ZNF506: variants seen among roughly 807,000 people sequenced by gnomAD.
The protein encoded by ZNF506 is zinc finger protein 506.
Under a neutral mutation model 11.6 loss-of-function variants are expected in ZNF506, and 10 were observed. The ratio of observed to expected loss-of-function variants is 0.86; its 90% CI spans 0.53 to 1.46. ZNF506 has a LOEUF of 1.46. ZNF506 is among the 40% of genes most tolerant of loss of function. The pLI is 0.00. For missense variants in ZNF506, 425 were observed against 521.2 expected, an observed-to-expected ratio of 0.82 and a Z score of 1.80; for synonymous variants, 156 against 173.3, an observed-to-expected ratio of 0.90 and a Z score of 0.78.
At chr19:19,809,266 C>A (rs1009630090) in intron 1 of ZNF506, among the ~76,000 whole-genome samples, 11 of 152,182 alleles carry the variant, frequency 7.2e-5, no homozygotes, top group Admixed American at 6.5e-4. Context: ...AGAGAAGGCT[C>A]TGAGATACAG....
In ZNF506 at chr19:19,794,767, A is replaced by G; in HGVS notation, c.1120T>C (p.Cys374Arg). ...GAGAATGCAGTAAAGGCTTTGCCAC[A>G]TTCTTCACACTTGTAGGGTTTCTCT... ...TGEKPYKCEECGKAFTAFSTL... is the reference protein window; with the variant it reads ...TGEKPYKCEERGKAFTAFSTL... Residue 374 changes from cysteine (C) to arginine (R), a missense_variant, in exon 4 of 4, where the codon TGT becomes CGT. Around this residue, in one of 3 missense-constraint regions of ZNF506, gnomAD observed 192 missense variants for 215.7 expected, o/e 0.89. Coordinates refer to ENST00000540806, the MANE Select transcript of ZNF506 (RefSeq NM_001099269.3). 6.2e-7 allele frequency: 1 copy of G among 1,614,020 alleles called. No individual in the cohort carries two copies. Among genetic ancestry groups the G allele is most frequent in the East Asian group, 2.2e-5 (1 of 44,854 alleles).
At position 19,821,503 on chromosome 19, in the gene ZNF506, G is replaced by A. The variant is rs913756772; in HGVS notation, c.3+98C>T. On this transcript the variant is annotated intron_variant, in intron 1 of 3. Coordinates refer to ENST00000540806, the MANE Select transcript of ZNF506 (RefSeq NM_001099269.3). Reference sequence around the variant, plus strand: ...CGCAGATTGTGGAGCTGACTGCCGGGAGGCCTGAGTTCTGCCACTGCCACA... The same window carrying A: ...CGCAGATTGTGGAGCTGACTGCCGGAAGGCCTGAGTTCTGCCACTGCCACA... 37 of 1,498,408 alleles carry A rather than the reference G, an allele frequency of 2.5e-5. 1 individual carries two copies. In the South Asian group the frequency reaches 4.2e-4, roughly 17 times the overall value. 92.8% of individuals were successfully genotyped at this position (1,498,408 alleles called of 1,614,324 possible).
At chr19:19,817,604 TG>T (rs1322992128) in intron 1 of ZNF506, among the ~76,000 whole-genome samples, 3 of 152,090 alleles carry the variant, frequency 2.0e-5, no homozygotes, top group Non-Finnish European at 4.4e-5. Context: ...CTTCTATGGC[TG>T]GGGTGAGCAG....
chr19:19,806,453 C>T (rs541552293), intron 2 of ZNF506: 1 of 192,006 alleles, frequency 5.2e-6, no homozygotes, highest in African/African-American at 2.4e-5. Flanking sequence ...GACAGGGTTT[C>T]ACCATGTTGG....
At chr19:19,804,184 C>G (rs2062816958) in intron 3 of ZNF506, among the ~76,000 whole-genome samples, 2 of 151,998 alleles carry the variant, frequency 1.3e-5, no homozygotes, top group South Asian at 4.2e-4. Context: ...GCAATCTACC[C>G]ATCTGACAAA....
At chr19:19,814,357 G>A (rs1206661939) in intron 1 of ZNF506, among the ~76,000 whole-genome samples, 3 of 149,858 alleles carry the variant, frequency 2.0e-5, no homozygotes, top group African/African-American at 2.5e-5. Flanking sequence ...GCAGTGAGCC[G>A]AGATCACACC....
At chr19:19,809,151 T>C (rs2062864508) in intron 1 of ZNF506, among the ~76,000 whole-genome samples, 1 of 152,214 alleles carries the variant, frequency 6.6e-6, no homozygotes, top group Admixed American at 6.5e-5. Flanking sequence ...TATCCACATC[T>C]TTCCATGTTC....
At chr19:19,799,558 T>C (rs77237491) in intron 3 of ZNF506, 19 of 511,846 alleles carry the variant, frequency 3.7e-5, no homozygotes, top group Middle Eastern at 4.0e-4. Context: ...ATATAAATAA[T>C]TGATAAATTT....
At chr19:19,812,291 A>C (rs7248808) in intron 1 of ZNF506, among the ~76,000 whole-genome samples, 27 of 152,106 alleles carry the variant, frequency 1.8e-4, no homozygotes, top group African/African-American at 6.5e-4. Context: ...ATTCCCAGTC[A>C]CCCTGGGCCG....
In ZNF506 at chr19:19,816,192, T is replaced by C. The variant is rs2062929734; in HGVS notation, c.3+5409A>G. On this transcript the variant is annotated intron_variant, in intron 1 of 3. Transcript: ENST00000540806. ...AAATATTTCTTTTCTTTTCTTTTCT[T>C]TTTTTTTTTGAGCCAGAGTCTCACT... is the stretch of plus-strand genomic sequence containing the variant. 2.7e-5 allele frequency among the ~76,000 whole-genome samples: 4 copies of C among 150,156 alleles called. No homozygotes were observed. In the South Asian group the frequency reaches 8.3e-4, roughly 31 times the overall value.
In ZNF506 at chr19:19,794,800, G is replaced by C. The variant is rs758961941; in HGVS notation, c.1087C>G (p.His363Asp). The C allele has an allele frequency of 1.2e-6, 2 of 1,614,012 alleles. No individual in the cohort carries two copies. Among genetic ancestry groups the C allele is most frequent in the Non-Finnish European group, 1.7e-6 (2 of 1,179,990 alleles). ...YSSLSKHKRA[H>D]TGEKPYKCEE... ...CACTTGTAGGGTTTCTCTCCAGTAT[G>C]AGCTCTCTTATGTTTAGAGAGGCTT... Residue 363 changes from histidine to aspartate, a missense_variant, in exon 4 of 4, where the codon CAT becomes GAT. By Grantham distance (81) the His-to-Asp change is moderately conservative. This residue lies in a region of ZNF506 where 192 missense variants were observed against 215.7 expected (regional missense o/e 0.89). Coordinates refer to ENST00000540806, the MANE Select transcript of ZNF506 (RefSeq NM_001099269.3).
chr19:19,808,588 G>A (rs910131908), intron 1 of ZNF506, among the ~76,000 whole-genome samples: 1 of 145,410 alleles, frequency 6.9e-6, no homozygotes, highest in Non-Finnish European at 1.5e-5. Context: ...ACTCACGCCT[G>A]TAATCCCAGC....
intron 3 of ZNF506, among the ~76,000 whole-genome samples, chr19:19,801,983 C>A (rs2062797858): frequency 1.3e-5 from 2 of 151,148 alleles, no homozygotes; most frequent in Admixed American, 1.3e-4. Context: ...GCGGGCAGAT[C>A]ACCTGAGGTC....
chr19:19,803,543 G>A (rs147940402), intron 3 of ZNF506, among the ~76,000 whole-genome samples: 4 of 152,262 alleles, frequency 2.6e-5, no homozygotes, highest in African/African-American at 9.6e-5. Context: ...AGGATATGCA[G>A]TCTGTCCAAA....
intron 3 of ZNF506, chr19:19,798,036 C>CA (rs1555770896): frequency 6.6e-6 from 1 of 151,970 alleles, no homozygotes; most frequent in Non-Finnish European, 1.5e-5. Flanking sequence ...TGCAAGAAAA[C>CA]AACACATAAT....
chr19:19,807,147 A>C lies in ZNF506; in HGVS notation c.4-79T>G, dbSNP rs1478589782. On this transcript the variant is annotated intron_variant, in intron 1 of 3. Transcript: ENST00000540806. Reference sequence around the variant, plus strand: ...AATTTGACTTCAGGTGAAATGAGAGAGTAAAGAGAAGTGGTTCTGACTTAT... The same window carrying C: ...AATTTGACTTCAGGTGAAATGAGAGCGTAAAGAGAAGTGGTTCTGACTTAT... The C allele has an allele frequency of 3.8e-6, 6 of 1,595,858 alleles. No homozygotes were observed. In the Admixed American group the frequency reaches 9.0e-5, roughly 24 times the overall value.
chr19:19,800,392 A>ATATATATATATATATT (rs1491103687), intron 3 of ZNF506, among the ~76,000 whole-genome samples: 4 of 3,228 alleles, frequency 1.2e-3, no homozygotes, highest in Non-Finnish European at 3.5e-3. Flanking sequence ...ACTAAACAGA[A>ATATATATATATATATT]TATATATATA....
Position 19,804,332 on chromosome 19 carries a change from A to C in ZNF506, c.226+1699T>G, listed in dbSNP as rs1192150882. ...ATGCAGCCAACAGACACATGAAAAA[A>C]TGTTCATCATCACTGGTCATCAGAG... On this transcript the variant is annotated intron_variant, in intron 3 of 3. Coordinates refer to ENST00000540806, the MANE Select transcript of ZNF506 (RefSeq NM_001099269.3). Among the ~76,000 whole-genome samples the C allele has an allele frequency of 2.0e-5, 3 of 152,244 alleles. No homozygotes were observed. In the East Asian group the frequency reaches 5.8e-4, roughly 29 times the overall value.
intron 1 of ZNF506, among the ~76,000 whole-genome samples, chr19:19,811,764 T>C (rs984156020): frequency 1.3e-5 from 2 of 152,134 alleles, no homozygotes; most frequent in Non-Finnish European, 2.9e-5. Context: ...ATTACACCAT[T>C]GCACTCCCTC....
Sources: allele counts gnomAD v4.1 joint callset (sites outside exome capture counted in the v4.1 genomes callset), GRCh38; gene constraint gnomAD v4.1.1; regional missense constraint gnomAD v4.1.1; transcripts MANE v1.5; gene names NCBI Gene and HGNC (gene_info 2026-07-23, HGNC 2026-07-21).